Variants in HDAC4 observed in about 807,000 individuals in gnomAD.
HDAC4 encodes histone deacetylase 4.
A neutral mutation model predicts 135.1 loss-of-function variants in HDAC4; 16 were observed. The ratio of observed to expected loss-of-function variants is 0.12; its 90% CI spans 0.08 to 0.18. HDAC4 has a LOEUF of 0.18. HDAC4 is among the 10% of genes least tolerant of loss of function. The pLI is 1.00. For synonymous variants in HDAC4, 685 were observed against 653.4 expected, an observed-to-expected ratio of 1.05 and a Z score of -0.74; for missense variants, 1,143 against 1,511.8, an observed-to-expected ratio of 0.76 and a Z score of 4.05.
At chr2:239,126,419 G>A (rs372320924) in intron 12 of HDAC4, 37 bp downstream of exon 12, 221 of 1,612,360 alleles carry the variant, frequency 1.4e-4, no homozygotes, top group Non-Finnish European at 1.7e-4. Flanking sequence ...GCACACAGCC[G>A]CCCTGGGGCC....
intron 2 of HDAC4, among the ~76,000 whole-genome samples, chr2:239,277,932 C>T (rs937123084): frequency 6.6e-6 from 1 of 151,662 alleles, no homozygotes; most frequent in African/African-American, 2.4e-5. Context: ...ACACTCCAGC[C>T]ACACACGCCA....
rs570830236 is a variant in HDAC4 at position 239,175,176 on chromosome 2, T to A, written c.490+1237A>T. 1.2e-3 allele frequency among the ~76,000 whole-genome samples: 177 copies of A among 152,336 alleles called. 3 individuals are homozygous for A. Among genetic ancestry groups the A allele is most frequent in the Middle Eastern group, 0.01 (3 of 294 alleles). ...CAGAAACTCGGAGTGTCTATGAAAG[T>A]CCCTTCACTCTGGTGATTAGATCCT... On this transcript the variant is annotated intron_variant, in intron 5 of 26. Coordinates refer to ENST00000543185, the MANE Select transcript of HDAC4 (RefSeq NM_001378414.1).
At position 239,313,105 on chromosome 2, in the gene HDAC4, C is replaced by T. The variant is rs891584371; in HGVS notation, c.22+39573G>A. On this transcript the variant is annotated intron_variant, in intron 2 of 26. Coordinates refer to ENST00000543185, the MANE Select transcript of HDAC4 (RefSeq NM_001378414.1). The surrounding 1 kb of genome is among the most constrained non-coding windows in gnomAD (Gnocchi z 5.1). ...CTTCACTCAGGCTTGGGCTCTGTCC[C>T]GTGCCTCCCCGGGGGCGTTCCGAGG... Among the ~76,000 whole-genome samples the T allele has an allele frequency of 5.3e-5, 8 of 152,296 alleles. No homozygotes were observed. Among genetic ancestry groups the T allele is most frequent in the East Asian group, 1.9e-4 (1 of 5,178 alleles).
At chr2:239,108,319 A>G in intron 14 of HDAC4, 136 bp from the exon 15 acceptor site, 1 of 1,135,022 alleles carries the variant, frequency 8.8e-7, no homozygotes, top group Non-Finnish European at 1.3e-6. Flanking sequence ...TTCTTTAGAA[A>G]AATACCACGT....
rs2052725892 is a variant in HDAC4 at position 239,308,654 on chromosome 2, T to C, written c.22+44024A>G. 2.0e-5 allele frequency among the ~76,000 whole-genome samples: 3 copies of C among 150,378 alleles called. No homozygotes were observed. Among genetic ancestry groups the C allele is most frequent in the African/African-American group, 7.3e-5 (3 of 41,362 alleles). ...TTCATGGTGTAGTCCAGGCAGAGTG[T>C]GGTTAACAGGCCTCCGGGTGTCCCC... On this transcript the variant is annotated intron_variant, in intron 2 of 26. Coordinates refer to ENST00000543185, the MANE Select transcript of HDAC4 (RefSeq NM_001378414.1). The surrounding 1 kb of genome is among the most constrained non-coding windows in gnomAD (Gnocchi z 4.2).
Position 239,309,506 on chromosome 2 carries a change from C to A in HDAC4, c.22+43172G>T, listed in dbSNP as rs1050967071. On this transcript the variant is annotated intron_variant, in intron 2 of 26. Transcript: ENST00000543185. The surrounding 1 kb of genome is among the most constrained non-coding windows in gnomAD (Gnocchi z 4.2). Reference sequence around the variant, plus strand: ...ACTCAGCTCCACTCCTGCTTCCTTCCTCTCACTCCACATCCGAGTTAGAGG... The same window carrying A: ...ACTCAGCTCCACTCCTGCTTCCTTCATCTCACTCCACATCCGAGTTAGAGG... 3.9e-5 allele frequency among the ~76,000 whole-genome samples: 6 copies of A among 152,248 alleles called. No homozygotes were observed. Among genetic ancestry groups the A allele is most frequent in the Non-Finnish European group, 8.8e-5 (6 of 68,054 alleles).
At chr2:239,390,836 C>T (rs1696150121) in intron 1 of HDAC4, among the ~76,000 whole-genome samples, 1 of 152,228 alleles carries the variant, frequency 6.6e-6, no homozygotes, top group Non-Finnish European at 1.5e-5. Context: ...GCCCTCTGAC[C>T]AAGGCAGTGG....
chr2:239,124,984 C>T (rs1009522088), intron 12 of HDAC4, among the ~76,000 whole-genome samples: 36 of 150,392 alleles, frequency 2.4e-4, no homozygotes, highest in South Asian at 4.2e-4. Context: ...GGCGTGTGGC[C>T]GCGTTATATG....
intron 3 of HDAC4, among the ~76,000 whole-genome samples, chr2:239,196,626 C>T (rs938400291): frequency 2.0e-5 from 3 of 152,116 alleles, no homozygotes; most frequent in African/African-American, 7.2e-5. Context: ...CCACGGGTGA[C>T]CCCCAGGAAA....
chr2:239,100,941 G>T (rs959496498), intron 16 of HDAC4, among the ~76,000 whole-genome samples: 2 of 152,166 alleles, frequency 1.3e-5, no homozygotes, highest in Non-Finnish European at 2.9e-5. Flanking sequence ...AGGCGAAGCC[G>T]CTGTGTAGGG....
chr2:239,294,367 A>G (rs946256481), intron 2 of HDAC4, among the ~76,000 whole-genome samples: 1 of 152,166 alleles, frequency 6.6e-6, no homozygotes, highest in Non-Finnish European at 1.5e-5. Flanking sequence ...TGCACTTTGG[A>G]AAGGTTCTGA....
chr2:239,207,297 C>A (rs1053392486), intron 3 of HDAC4, among the ~76,000 whole-genome samples: 5 of 151,934 alleles, frequency 3.3e-5, no homozygotes, highest in African/African-American at 1.2e-4. Flanking sequence ...AATAATAATA[C>A]GAACTGAAAG....
chr2:239,283,074 G>C (rs941608610), intron 2 of HDAC4, among the ~76,000 whole-genome samples: 9 of 152,240 alleles, frequency 5.9e-5, no homozygotes, highest in African/African-American at 1.9e-4. Flanking sequence ...CAAAACATGT[G>C]ATGTTCCAGG....
At chr2:239,338,867 A>G in intron 2 of HDAC4, among the ~76,000 whole-genome samples, 1 of 152,170 alleles carries the variant, frequency 6.6e-6, no homozygotes, top group East Asian at 1.9e-4. Flanking sequence ...CAGGGCCTCC[A>G]GGCTCCCCCC....
chr2:239,131,882 G>A (rs2040609825), intron 11 of HDAC4, among the ~76,000 whole-genome samples: 1 of 152,240 alleles, frequency 6.6e-6, no homozygotes, highest in African/African-American at 2.4e-5. Context: ...GACCTGGCCA[G>A]TACTGCTCTA....
intron 1 of HDAC4, among the ~76,000 whole-genome samples, chr2:239,397,498 ACCTT>A (rs1696644343): frequency 6.6e-6 from 1 of 152,120 alleles, no homozygotes; most frequent in Non-Finnish European, 1.5e-5. Context: ...CAGGACCCCG[ACCTT>A]CCTTCCAGGA....
intron 9 of HDAC4, among the ~76,000 whole-genome samples, chr2:239,138,185 A>G (rs1301966721): frequency 6.6e-6 from 1 of 152,204 alleles, no homozygotes; most frequent in Non-Finnish European, 1.5e-5. Flanking sequence ...CTAATCATCT[A>G]AATAAGTACT....
intron 2 of HDAC4, among the ~76,000 whole-genome samples, chr2:239,272,386 T>C (rs1236482499): frequency 6.6e-6 from 1 of 152,134 alleles, no homozygotes; most frequent in Non-Finnish European, 1.5e-5. Flanking sequence ...ACCTACAGAA[T>C]GGAAAAGAAT....
In HDAC4 at chr2:239,397,352, C is replaced by T. The variant is rs150258769; in HGVS notation, c.-220+3626G>A. Among the ~76,000 whole-genome samples, 87 of 152,322 alleles carry T rather than the reference C, an allele frequency of 5.7e-4. 1 individual carries two copies. The highest frequency in any genetic ancestry group is 3.4e-3 in the Middle Eastern group (1 of 294). ...TACATGGTGAGTGCATGAAACAGCACGAGCCCCAAGCAGGTGCTCATCTGG... is the reference window on the plus strand; with the variant it reads ...TACATGGTGAGTGCATGAAACAGCATGAGCCCCAAGCAGGTGCTCATCTGG... On this transcript the variant is annotated intron_variant, in intron 1 of 26. Transcript: ENST00000543185.
Sources: gnomAD v4.1 joint callset for allele counts (sites outside exome capture counted in the v4.1 genomes callset) on GRCh38, gnomAD v4.1.1 for gene constraint, Gnocchi (gnomAD v3.1) non-coding constraint, MANE v1.5 for transcripts, NCBI Gene and HGNC (gene_info 2026-07-23, HGNC 2026-07-21) for gene names.